Variants in UGGT1 observed in about 807,000 individuals in gnomAD.
The protein encoded by UGGT1 is UDP-glucose:glycoprotein glucosyltransferase 1.
A neutral mutation model predicts 203.9 loss-of-function variants in UGGT1; 107 were observed. That is an observed-to-expected ratio of 0.52 (90% CI 0.45 to 0.62). UGGT1 has a LOEUF of 0.62. Ranked by LOEUF, UGGT1 falls within the 20% of genes least tolerant of loss-of-function variation. The pLI is 0.00. For synonymous variants in UGGT1, 628 were observed against 653.5 expected (o/e 0.96, Z 0.59); for missense variants, 1,673 against 1,867.2 (o/e 0.90, Z 1.92).
intron 31 of UGGT1, among the ~76,000 whole-genome samples, chr2:128,176,109 C>T (rs1416897384): frequency 2.0e-5 from 3 of 152,066 alleles, no homozygotes; most frequent in Admixed American, 2.0e-4. Flanking sequence ...CAACACTATT[C>T]CAGTTAAAGA....
Position 128,140,819 on chromosome 2 carries a change from A to G in UGGT1, c.1719+1967A>G, listed in dbSNP as rs1010405202. On this transcript the variant is annotated intron_variant, in intron 16 of 40. Transcript: ENST00000259253. ...AGCTTCCTGGAATAGCTGAGACTAC[A>G]GGCATGCATCACCATACCCAGCTAA... Among the ~76,000 whole-genome samples the G allele has an allele frequency of 3.9e-5, 6 of 152,236 alleles. No individual in the cohort carries two copies. The South Asian group carries it at 6.2e-4, about 16-fold the overall frequency.
At chr2:128,167,257 A>G (rs1690843597) in intron 26 of UGGT1, among the ~76,000 whole-genome samples, 1 of 152,142 alleles carries the variant, frequency 6.6e-6, no homozygotes, top group African/African-American at 2.4e-5. Flanking sequence ...CTTCTTCTCC[A>G]TGGGTCTCCA....
At chr2:128,152,158 G>C (rs903547600) in intron 18 of UGGT1, among the ~76,000 whole-genome samples, 1 of 151,986 alleles carries the variant, frequency 6.6e-6, no homozygotes, top group Non-Finnish European at 1.5e-5. Flanking sequence ...TTAACTGCTT[G>C]AGAGAAGACC....
At chr2:128,113,564 T>G (rs2105370117) in intron 6 of UGGT1, among the ~76,000 whole-genome samples, 1 of 152,342 alleles carries the variant, frequency 6.6e-6, no homozygotes, top group African/African-American at 2.4e-5. Flanking sequence ...GATTGTTGAA[T>G]TCAGTTTCCT....
At chr2:128,106,875 C>T (rs4422115) in intron 3 of UGGT1, among the ~76,000 whole-genome samples, 136,900 of 152,066 alleles carry the variant, frequency 0.9, 62,403 homozygotes, top group Non-Finnish European at 0.98. Context: ...TAAAAAGAGA[C>T]GCACTATGTT....
intron 24 of UGGT1, among the ~76,000 whole-genome samples, 185 bp from the exon 25 acceptor site, chr2:128,160,953 A>G (rs1690498167): frequency 6.6e-6 from 1 of 152,240 alleles, no homozygotes; most frequent in South Asian, 2.1e-4. Context: ...GTAAATAACT[A>G]CAAGTATTTG....
intron 13 of UGGT1, among the ~76,000 whole-genome samples, chr2:128,131,317 G>A (rs1456967161): frequency 6.6e-6 from 1 of 151,948 alleles, no homozygotes; most frequent in Non-Finnish European, 1.5e-5. Flanking sequence ...ACTTTGGGAG[G>A]CCGTGGTGGG....
chr2:128,123,272 C>T, intron 11 of UGGT1, 26 bp downstream of exon 11: 1 of 1,596,452 alleles, frequency 6.3e-7, no homozygotes, highest in Non-Finnish European at 8.6e-7. Context: ...AAATACTGAC[C>T]TGTTTTGTAT....
At chr2:128,173,751 G>A (rs764117038) in intron 29 of UGGT1, 30 bp from the exon 30 acceptor site, 58 of 1,610,774 alleles carry the variant, frequency 3.6e-5, no homozygotes, top group Non-Finnish European at 4.6e-5. Context: ...GTCTCTGAGT[G>A]CATTCAAGTG....
intron 18 of UGGT1, among the ~76,000 whole-genome samples, 162 bp from the exon 19 acceptor site, chr2:128,152,622 C>T (rs1690026586): frequency 1.3e-5 from 2 of 152,204 alleles, no homozygotes; most frequent in South Asian, 4.1e-4. Flanking sequence ...CCCAGGTATA[C>T]TCGGCAGTGA....
intron 5 of UGGT1, among the ~76,000 whole-genome samples, chr2:128,112,470 A>ATATATATG (rs1400548983): frequency 7.8e-6 from 1 of 128,366 alleles, no homozygotes; most frequent in African/African-American, 2.7e-5. Context: ...ATATATATAT[A>ATATATATG]TATTACATAC....
At chr2:128,179,968 TC>T in intron 35 of UGGT1, 98 bp downstream of exon 35, 1 of 1,065,798 alleles carries the variant, frequency 9.4e-7, no homozygotes, top group Non-Finnish European at 1.4e-6. Context: ...TAGCAAATTT[TC>T]CATTTACTAA....
intron 2 of UGGT1, among the ~76,000 whole-genome samples, chr2:128,103,460 T>C (rs1382208512): frequency 6.6e-6 from 1 of 152,218 alleles, no homozygotes; most frequent in African/African-American, 2.4e-5. Flanking sequence ...TACAACATGC[T>C]GCCTTTATTC....
intron 18 of UGGT1, among the ~76,000 whole-genome samples, chr2:128,151,787 C>T (rs1030740352): frequency 1.3e-5 from 2 of 152,068 alleles, no homozygotes; most frequent in Non-Finnish European, 2.9e-5. Context: ...AGGAAGATCC[C>T]TTGAGCCCTG....
chr2:128,104,874 T>A (rs949686152), intron 3 of UGGT1, among the ~76,000 whole-genome samples: 4 of 152,110 alleles, frequency 2.6e-5, no homozygotes, highest in Admixed American at 2.0e-4. Flanking sequence ...CTCGAACTTT[T>A]GACCTCAAGT....
chr2:128,158,020 A>T (rs889656711), intron 22 of UGGT1, among the ~76,000 whole-genome samples: 6 of 152,166 alleles, frequency 3.9e-5, no homozygotes, highest in African/African-American at 1.4e-4. Context: ...AGAAATATCC[A>T]GGTGGTTTCA....
Position 128,180,900 on chromosome 2 carries a change from C to G in UGGT1, c.3911C>G (p.Pro1304Arg). Residue 1304 changes from proline to arginine, a missense_variant, in exon 36 of 41, where the codon CCT becomes CGT. Physicochemically the swap from Pro to Arg is moderately radical, Grantham distance 103. Around this residue, in one of 4 missense-constraint regions of UGGT1, gnomAD observed 513 missense variants for 684.1 expected, o/e 0.75. Coordinates refer to ENST00000259253, the MANE Select transcript of UGGT1 (RefSeq NM_020120.4). ...YLSPTFKEFIPYMANEYNFQY... is the reference protein window; with the variant it reads ...YLSPTFKEFIRYMANEYNFQY... Reference sequence around the variant, plus strand: ...CATGTCTAAAAATAGGAGTTTATACCTTACATGGCAAATGAATACAATTTC... The same window carrying G: ...CATGTCTAAAAATAGGAGTTTATACGTTACATGGCAAATGAATACAATTTC... 1 of 1,612,440 alleles carries G rather than the reference C, an allele frequency of 6.2e-7. No homozygotes were observed. Among genetic ancestry groups the G allele is most frequent in the East Asian group, 2.2e-5 (1 of 44,826 alleles).
chr2:128,134,824 C>T, intron 14 of UGGT1, 52 bp from the exon 15 acceptor site: 1 of 1,541,070 alleles, frequency 6.5e-7, no homozygotes, highest in African/African-American at 1.4e-5. Flanking sequence ...TCTCGGCCCA[C>T]AGATACTTGA....
chr2:128,170,493 C>A, intron 27 of UGGT1, 103 bp downstream of exon 27: 1 of 924,910 alleles, frequency 1.1e-6, no homozygotes, highest in Non-Finnish European at 1.7e-6. Context: ...CTTCAACAGG[C>A]ACTGGACAAT....
Sources: allele counts gnomAD v4.1 joint callset (sites outside exome capture counted in the v4.1 genomes callset), GRCh38; gene constraint gnomAD v4.1.1; regional missense constraint gnomAD v4.1.1; transcripts MANE v1.5; gene names NCBI Gene and HGNC (gene_info 2026-07-23, HGNC 2026-07-21).